COLEC12: variants seen among roughly 807,000 people sequenced by gnomAD.
The protein encoded by COLEC12 is collectin subfamily member 12, also known as collectin-12.
Under a neutral mutation model 71.1 loss-of-function variants are expected in COLEC12, and 33 were observed. The observed-to-expected ratio is 0.46, with a 90% CI of 0.35 to 0.62. COLEC12 has a LOEUF of 0.62. Ranked by LOEUF, COLEC12 falls within the 20% of genes least tolerant of loss-of-function variation. The probability of loss-of-function intolerance (pLI) is 0.00; values close to 1 mark genes in which losing one functional copy is unlikely to be tolerated. For missense variants in COLEC12, 765 were observed against 916.1 expected (o/e 0.84, Z 2.13); for synonymous variants, 350 against 353.0 (o/e 0.99, Z 0.10).
At chr18:345,018 A>G (rs1914339838) in intron 5 of COLEC12, among the ~76,000 whole-genome samples, 1 of 152,214 alleles carries the variant, frequency 6.6e-6, no homozygotes, top group Non-Finnish European at 1.5e-5. Context: ...ACCCTTGATT[A>G]TTAGACCAGT....
At chr18:401,189 C>T (rs965689975) in intron 2 of COLEC12, among the ~76,000 whole-genome samples, 38 of 152,202 alleles carry the variant, frequency 2.5e-4, no homozygotes, top group African/African-American at 9.2e-4. Context: ...CAATACGCCT[C>T]CTATGTTCTT....
chr18:438,423 G>C (rs1161675914), intron 2 of COLEC12, among the ~76,000 whole-genome samples: 1 of 152,096 alleles, frequency 6.6e-6, no homozygotes, highest in African/African-American at 2.4e-5. Context: ...TGAAGTATTT[G>C]TCATTTTAAT....
At position 500,263 on chromosome 18, in the gene COLEC12, A is replaced by C. The variant is rs1861389929; in HGVS notation, c.7+245T>G. On this transcript the variant is annotated intron_variant, in intron 1 of 9. Coordinates refer to ENST00000400256, the MANE Select transcript of COLEC12 (RefSeq NM_130386.3). The surrounding 1 kb of genome is among the most constrained non-coding windows in gnomAD (Gnocchi z 5.3). ...ACTTAGGGCTTCAAACTACTTGCAA[A>C]GACGCGATGGGGAGGGGAATACTTG... 1.3e-5 allele frequency among the ~76,000 whole-genome samples: 2 copies of C among 152,176 alleles called. No homozygotes were observed. The highest frequency in any genetic ancestry group is 4.1e-4 in the South Asian group (2 of 4,830).
chr18:492,863 ACT>A (rs1420967481), intron 1 of COLEC12, among the ~76,000 whole-genome samples: 4 of 152,082 alleles, frequency 2.6e-5, no homozygotes, highest in Non-Finnish European at 4.4e-5. Context: ...ATTCAAGAAG[ACT>A]CTGAATTTGG....
intron 2 of COLEC12, among the ~76,000 whole-genome samples, chr18:377,898 C>T (rs1044705772): frequency 1.1e-4 from 16 of 139,182 alleles, no homozygotes; most frequent in East Asian, 7.5e-4. Context: ...AATAGGGTGG[C>T]GGGGCGGGTT....
chr18:361,514 A>G (rs2143510357), intron 2 of COLEC12, among the ~76,000 whole-genome samples: 1 of 152,276 alleles, frequency 6.6e-6, no homozygotes, highest in South Asian at 2.1e-4. Flanking sequence ...CAAGCTTTCA[A>G]GAAGGCACTC....
chr18:431,309 C>T (rs975253651), intron 2 of COLEC12, among the ~76,000 whole-genome samples: 4 of 152,112 alleles, frequency 2.6e-5, no homozygotes. Flanking sequence ...AACCTATACA[C>T]ATTTTATAAT....
chr18:462,313 G>A (rs1473386407), intron 2 of COLEC12, among the ~76,000 whole-genome samples: 1 of 152,218 alleles, frequency 6.6e-6, no homozygotes, highest in Non-Finnish European at 1.5e-5. Flanking sequence ...TAAGTAAAAT[G>A]TGGTCCGTCC....
At chr18:488,620 C>T (rs2143785994) in intron 1 of COLEC12, among the ~76,000 whole-genome samples, 3 of 152,138 alleles carry the variant, frequency 2.0e-5, no homozygotes, top group East Asian at 1.9e-4. Flanking sequence ...AGCCCATAAT[C>T]CCAGCACTTT....
intron 1 of COLEC12, among the ~76,000 whole-genome samples, chr18:496,598 CAA>C (rs979287498): frequency 2.6e-5 from 4 of 152,108 alleles, no homozygotes; most frequent in Non-Finnish European, 5.9e-5. Flanking sequence ...ACTGAAAAAG[CAA>C]AAAGACTGTG....
chr18:424,534 G>A (rs1030297921), intron 2 of COLEC12: 4 of 152,186 alleles, frequency 2.6e-5, no homozygotes, highest in African/African-American at 7.2e-5. Context: ...ATTATTTACA[G>A]ATGCTGTCTC....
At chr18:404,421 ATGT>A (rs1313630185) in intron 2 of COLEC12, among the ~76,000 whole-genome samples, 4 of 152,258 alleles carry the variant, frequency 2.6e-5, no homozygotes, top group Admixed American at 1.3e-4. Context: ...CTAGCTTATG[ATGT>A]TGTAAGCCGC....
intron 8 of COLEC12, among the ~76,000 whole-genome samples, chr18:322,749 G>T (rs1044049883): frequency 6.6e-6 from 1 of 152,080 alleles, no homozygotes; most frequent in East Asian, 1.9e-4. Flanking sequence ...ACTCATTACC[G>T]CACTGGCCAC....
chr18:448,301 A>G (rs1023098052), intron 2 of COLEC12, among the ~76,000 whole-genome samples: 2 of 152,232 alleles, frequency 1.3e-5, no homozygotes, highest in African/African-American at 2.4e-5. Context: ...AGCGTTCGCT[A>G]AAGTCTGATC....
At chr18:345,878 G>A (rs2143469994) in intron 5 of COLEC12, among the ~76,000 whole-genome samples, 1 of 152,356 alleles carries the variant, frequency 6.6e-6, no homozygotes, top group Non-Finnish European at 1.5e-5. Flanking sequence ...AGAATGAAGT[G>A]GATGTGATGG....
intron 2 of COLEC12, among the ~76,000 whole-genome samples, chr18:444,797 A>C (rs1040354202): frequency 1.3e-5 from 2 of 152,236 alleles, no homozygotes; most frequent in Non-Finnish European, 2.9e-5. Context: ...TAAGGCAAGA[A>C]ATGTTAAGTT....
chr18:347,153 A>G lies in COLEC12; in HGVS notation c.469T>C (p.Leu157=), dbSNP rs1431305832. 3.1e-6 allele frequency: 5 copies of G among 1,613,986 alleles called. No homozygotes were observed. The African/African-American group carries it at 5.3e-5, about 17-fold the overall frequency. The change falls in exon 5 of 10, where the codon TTG becomes CTG. Residue 157 remains leucine (L), a synonymous_variant. Transcript: ENST00000400256. ...VDRQSQLKET[L]ENNSFLITTV... ...GTGATGAGGAAAGAGTTATTCTCCA[A>G]AGTTTCTTTCAATTGACTCTGCCTG...
chr18:331,754 T>G lies in COLEC12; in HGVS notation c.1977A>C (p.Val659=), dbSNP rs970540956. ...EEQQWIKKQM[V]GRESHWIGLT... ...GGCCGATCCAGTGGCTCTCTCTCCC[T>G]ACCATCTGTTTTTTTATCCATTGCT... The change falls in exon 8 of 10, where the codon GTA becomes GTC. Residue 659 remains valine (V), a synonymous_variant. Coordinates refer to ENST00000400256, the MANE Select transcript of COLEC12 (RefSeq NM_130386.3). 6.2e-7 allele frequency: 1 copy of G among 1,613,606 alleles called. No individual in the cohort carries two copies.
At chr18:487,863 C>T (rs1917548907) in intron 1 of COLEC12, among the ~76,000 whole-genome samples, 1 of 152,120 alleles carries the variant, frequency 6.6e-6, no homozygotes, top group African/African-American at 2.4e-5. Context: ...AATCCACCAG[C>T]ACAAAAGTTT....
Sources: gnomAD v4.1 joint callset for allele counts (sites outside exome capture counted in the v4.1 genomes callset) on GRCh38, gnomAD v4.1.1 for gene constraint, Gnocchi (gnomAD v3.1) non-coding constraint, MANE v1.5 for transcripts, NCBI Gene and HGNC (gene_info 2026-07-23, HGNC 2026-07-21) for gene names.